Variants in GTF3C1 observed in about 807,000 individuals in gnomAD.
GTF3C1 encodes the protein general transcription factor IIIC subunit 1.
Under a neutral mutation model 226.7 loss-of-function variants are expected in GTF3C1, and 57 were observed. The observed-to-expected ratio is 0.25, with a 90% CI of 0.20 to 0.31. The LOEUF (loss-of-function observed/expected upper bound fraction) is 0.31, where lower values mean the gene tolerates loss of function less well. Ranked by LOEUF, GTF3C1 falls within the 10% of genes least tolerant of loss-of-function variation. The pLI is 1.00. For missense variants in GTF3C1, 2,217 were observed against 2,776.1 expected (o/e 0.80, Z 4.53); for synonymous variants, 1,090 against 1,084.8 (o/e 1.00, Z -0.09).
At chr16:27,499,875 GC>G (rs1440665639) in intron 12 of GTF3C1, among the ~76,000 whole-genome samples, 1 of 152,236 alleles carries the variant, frequency 6.6e-6, no homozygotes, top group Non-Finnish European at 1.5e-5. Context: ...TGCTCTGGGT[GC>G]CAGAGAAAGT....
In GTF3C1 at chr16:27,463,558, G is replaced by A. The variant is rs1239880114; in HGVS notation, c.5907C>T (p.Ser1969=). 1.2e-6 allele frequency: 2 copies of A among 1,600,502 alleles called. No individual in the cohort carries two copies. The highest frequency in any genetic ancestry group is 2.7e-5 in the African/African-American group (2 of 74,784). ...FTESFGAANI[S]QAARERDCES... is the part of the protein sequence containing the mutation. ...ACACCCACCTTTCCCGTGCTGCCTG[G>A]GAGATGTTGGCAGCTCCGAAACTCT... The change falls in exon 35 of 37, where the codon TCC becomes TCT. Residue 1969 remains serine, a synonymous_variant. Transcript: ENST00000356183. The surrounding 1 kb of genome is among the most constrained non-coding windows in gnomAD (Gnocchi z 4.9).
intron 6 of GTF3C1, among the ~76,000 whole-genome samples, chr16:27,527,427 C>T (rs531392548): frequency 4.0e-4 from 61 of 152,290 alleles, no homozygotes; most frequent in Non-Finnish European, 7.9e-4. Flanking sequence ...AAGTGATCTG[C>T]CCACCTGAGC....
rs1057095259 is a variant in GTF3C1 at position 27,502,308 on chromosome 16, T to C, written c.1907+551A>G. Among the ~76,000 whole-genome samples the C allele has an allele frequency of 1.3e-4, 20 of 152,186 alleles. No homozygotes were observed. The East Asian group carries it at 2.7e-3, about 21-fold the overall frequency. On this transcript the variant is annotated intron_variant, in intron 11 of 36. Transcript: ENST00000356183. ...TCCTCCTCACCGAGTGGCTCTCACATTGGGTGCCTCAGAAGCGTTGAAGAT... is the reference window on the plus strand; with the variant it reads ...TCCTCCTCACCGAGTGGCTCTCACACTGGGTGCCTCAGAAGCGTTGAAGAT...
intron 2 of GTF3C1, among the ~76,000 whole-genome samples, chr16:27,543,737 G>C (rs973777910): frequency 6.6e-6 from 1 of 152,144 alleles, no homozygotes; most frequent in African/African-American, 2.4e-5. Flanking sequence ...AAATAAGCTG[G>C]TGAGGAATGG....
chr16:27,535,862 G>C (rs1379035849), intron 4 of GTF3C1, among the ~76,000 whole-genome samples: 1 of 151,994 alleles, frequency 6.6e-6, no homozygotes, highest in Non-Finnish European at 1.5e-5. Context: ...AAAAAAAAAG[G>C]TGATCTCTTG....
chr16:27,472,595 G>A (rs1332414118), intron 29 of GTF3C1, among the ~76,000 whole-genome samples: 1 of 152,188 alleles, frequency 6.6e-6, no homozygotes, highest in Non-Finnish European at 1.5e-5. Flanking sequence ...TGCCCGCCCA[G>A]CCACCACTCT....
rs1274826754 is a variant in GTF3C1, at chr16:27,483,089, A to G, written c.4038T>C (p.Leu1346=). The part of the protein sequence containing the change: ...CLAEVYQDKA[L]VGDFMNRRGD... ...CTCTTCGATTCATGAAATCTCCAAC[A>G]AGTGCTTTATCCTGGTACACCTCGG... Residue 1346 remains leucine, a synonymous_variant, in exon 26 of 37, where the codon CTT becomes CTC. Transcript: ENST00000356183. 6.2e-7 allele frequency: 1 copy of G among 1,614,064 alleles called. No homozygotes were observed. The highest frequency in any genetic ancestry group is 2.2e-5 in the East Asian group (1 of 44,894).
At chr16:27,522,921 G>A (rs1474256560) in intron 6 of GTF3C1, among the ~76,000 whole-genome samples, 4 of 152,120 alleles carry the variant, frequency 2.6e-5, no homozygotes, top group Non-Finnish European at 4.4e-5. Flanking sequence ...TCTGTATACC[G>A]ATCTTCTGTC....
At chr16:27,473,664 G>C (rs946532412) in intron 29 of GTF3C1, among the ~76,000 whole-genome samples, 1 of 152,242 alleles carries the variant, frequency 6.6e-6, no homozygotes, top group Non-Finnish European at 1.5e-5. Context: ...AAGGGGACCG[G>C]GGACCGGTGC....
intron 2 of GTF3C1, among the ~76,000 whole-genome samples, chr16:27,543,765 CA>C (rs2089124229): frequency 1.3e-5 from 2 of 152,200 alleles, no homozygotes; most frequent in Non-Finnish European, 2.9e-5. Flanking sequence ...AGTAGAAAAA[CA>C]AAATAAGGCA....
chr16:27,486,117 G>A lies in GTF3C1; in HGVS notation c.3738C>T (p.Tyr1246=), dbSNP rs138467584. 73 of 1,607,852 alleles carry A rather than the reference G, an allele frequency of 4.5e-5. No homozygotes were observed. The African/African-American group carries it at 9.4e-4, about 21-fold the overall frequency. Residue 1246 remains tyrosine (Y), a synonymous_variant, in exon 24 of 37, where the codon TAC becomes TAT. Transcript: ENST00000356183. The stretch of plus-strand genomic sequence containing the variant: ...GGGCACTCTGGTCGGCTTCATCATG[G>A]TAGCGCAGCCTTTTGCTTTTTTCTC... The part of the protein sequence containing the change: ...FPGEKSKRLR[Y]HDEADQSALQ...
In GTF3C1 at chr16:27,470,257, G is replaced by A; in HGVS notation, c.4665C>T (p.Asp1555=). The A allele has an allele frequency of 3.1e-6, 5 of 1,613,998 alleles. No individual in the cohort carries two copies. Among genetic ancestry groups the A allele is most frequent in the Non-Finnish European group, 4.2e-6 (5 of 1,179,836 alleles). Residue 1555 remains aspartate (D), a synonymous_variant, in exon 31 of 37, where the codon GAC becomes GAT. Coordinates refer to ENST00000356183, the MANE Select transcript of GTF3C1 (RefSeq NM_001520.4). The surrounding 1 kb of genome is among the most constrained non-coding windows in gnomAD (Gnocchi z 4.9). ...GGCCGTCCAGTGAAAAGGCCACCAT[G>A]TCGTTTGTGGGCTCGTTATTATCCT... ...KDQDNNEPTN[D]MVAFSLDGPG...
At chr16:27,519,942 CA>C (rs998319123) in intron 6 of GTF3C1, among the ~76,000 whole-genome samples, 2 of 151,650 alleles carry the variant, frequency 1.3e-5, no homozygotes, top group Admixed American at 6.6e-5. Flanking sequence ...CCCGTCTCTA[CA>C]AAAAAAACAA....
intron 34 of GTF3C1, 96 bp downstream of exon 34, chr16:27,464,224 C>T: frequency 2.8e-6 from 2 of 711,432 alleles, no homozygotes; most frequent in Non-Finnish European, 4.1e-6. Context: ...AGTGGCAGGT[C>T]CCCCATCCTC....
At chr16:27,518,950 C>T (rs1443552575) in intron 6 of GTF3C1, among the ~76,000 whole-genome samples, 1 of 152,220 alleles carries the variant, frequency 6.6e-6, no homozygotes, top group African/African-American at 2.4e-5. Flanking sequence ...AGGCACTCAA[C>T]GCATGCTCTC....
chr16:27,475,259 G>C (rs573557163), intron 29 of GTF3C1, among the ~76,000 whole-genome samples: 2 of 152,292 alleles, frequency 1.3e-5, no homozygotes, highest in African/African-American at 4.8e-5. Flanking sequence ...ATAGGGCTTG[G>C]GCTTAACATG....
chr16:27,502,230 T>G (rs1157412096), intron 11 of GTF3C1, among the ~76,000 whole-genome samples: 3 of 152,098 alleles, frequency 2.0e-5, no homozygotes, highest in Admixed American at 6.5e-5. Context: ...CATTCAGTCC[T>G]CGTTAGACAC....
intron 29 of GTF3C1, among the ~76,000 whole-genome samples, chr16:27,475,875 C>T (rs2087943711): frequency 6.6e-6 from 1 of 152,152 alleles, no homozygotes. Flanking sequence ...TTTCTCAGGT[C>T]CTTTGCCATG....
chr16:27,465,539 G>A lies in GTF3C1; in HGVS notation c.5076C>T (p.Ala1692=), dbSNP rs770703342. The A allele has an allele frequency of 1.1e-5, 18 of 1,595,450 alleles. No homozygotes were observed. Among genetic ancestry groups the A allele is most frequent in the East Asian group, 2.2e-5 (1 of 44,760 alleles). The change falls in exon 33 of 37, where the codon GCC becomes GCT. Residue 1692 remains alanine, a splice_region_variant and synonymous_variant. Coordinates refer to ENST00000356183, the MANE Select transcript of GTF3C1 (RefSeq NM_001520.4). Reference sequence around the variant, plus strand: ...CCATTGTTAGCTCTTCCAGAGGAGCGGCTGTGGGGACACAGAGGAAGATCA... The same window carrying A: ...CCATTGTTAGCTCTTCCAGAGGAGCAGCTGTGGGGACACAGAGGAAGATCA... ...TPVPARLRPA[A]APLEELTMGT...
Sources: allele counts gnomAD v4.1 joint callset (sites outside exome capture counted in the v4.1 genomes callset), GRCh38; gene constraint gnomAD v4.1.1; non-coding constraint Gnocchi (gnomAD v3.1); transcripts MANE v1.5; gene names NCBI Gene and HGNC (gene_info 2026-07-23, HGNC 2026-07-21).